The following MPZL1 variants were observed in gnomAD, a reference collection of about 807,000 sequenced individuals.
MPZL1 encodes the protein myelin protein zero like 1.
MPZL1 carries 16 observed loss-of-function variants against 29.3 expected under a neutral mutation model. The observed-to-expected ratio is 0.55, with a 90% CI of 0.37 to 0.83. The LOEUF is 0.83. Ranked by LOEUF, MPZL1 falls within the 40% of genes least tolerant of loss-of-function variation. The probability of loss-of-function intolerance (pLI) is 0.00; values close to 1 mark genes in which losing one functional copy is unlikely to be tolerated. For synonymous variants in MPZL1, 143 were observed against 132.0 expected (o/e 1.08, Z -0.57); for missense variants, 279 against 332.9 (o/e 0.84, Z 1.26).
intron 1 of MPZL1, among the ~76,000 whole-genome samples, chr1:167,739,030 C>T (rs1012223406): frequency 2.0e-5 from 3 of 151,804 alleles, no homozygotes; most frequent in African/African-American, 7.3e-5. Flanking sequence ...GCAACCTCCA[C>T]CTCCAGGTTC....
chr1:167,783,876 G>A (rs1661541042), intron 5 of MPZL1, among the ~76,000 whole-genome samples: 1 of 152,152 alleles, frequency 6.6e-6, no homozygotes, highest in African/African-American at 2.4e-5. Flanking sequence ...AAAAAAAGGT[G>A]TTCTGTCAGT....
At chr1:167,739,308 T>TATATATAC (rs1293142491) in intron 1 of MPZL1, among the ~76,000 whole-genome samples, 1 of 77,936 alleles carries the variant, frequency 1.3e-5, no homozygotes, top group South Asian at 3.6e-4. Flanking sequence ...TATATATATA[T>TATATATAC]ACACATATAT....
At chr1:167,745,222 G>T (rs1660620166) in intron 1 of MPZL1, among the ~76,000 whole-genome samples, 1 of 152,068 alleles carries the variant, frequency 6.6e-6, no homozygotes, top group Non-Finnish European at 1.5e-5. Flanking sequence ...TTATTAGCTT[G>T]CCCTGAGGAA....
Position 167,765,614 on chromosome 1 carries a change from T to C in MPZL1, c.123T>C (p.Tyr41=). The C allele has an allele frequency of 6.2e-7, 1 of 1,613,180 alleles. No individual in the cohort carries two copies. The highest frequency in any genetic ancestry group is 8.5e-7 in the Non-Finnish European group (1 of 1,179,558). Residue 41 remains tyrosine (Y), a synonymous_variant, in exon 2 of 6, where the codon TAT becomes TAC. Transcript: ENST00000359523. ...CTGGAGTATCAGCCTTGGAAGTATA[T>C]ACGCCAAAAGAAATCTTCGTGGCAA... ...LTAGVSALEV[Y]TPKEIFVANG... is the part of the protein sequence containing the mutation.
rs868809862 is a variant in MPZL1, at chr1:167,738,825, A to G, written c.91+16583A>G. ...CCCCAGAAGCCGAGCAAATGCCAGCATCATGCTTCCTGTGTAGCCTGCAGA... is the reference window on the plus strand; with the variant it reads ...CCCCAGAAGCCGAGCAAATGCCAGCGTCATGCTTCCTGTGTAGCCTGCAGA... On this transcript the variant is annotated intron_variant, in intron 1 of 5. Coordinates refer to ENST00000359523, the MANE Select transcript of MPZL1 (RefSeq NM_003953.6). Among the ~76,000 whole-genome samples, 5 of 152,174 alleles carry G rather than the reference A, an allele frequency of 3.3e-5. No homozygotes were observed. The South Asian group carries it at 6.2e-4, about 19-fold the overall frequency.
chr1:167,763,661 G>C (rs1661045893), intron 1 of MPZL1, among the ~76,000 whole-genome samples: 1 of 152,192 alleles, frequency 6.6e-6, no homozygotes, highest in Non-Finnish European at 1.5e-5. Flanking sequence ...CCTGGAATAA[G>C]CTGGTCCACT....
At chr1:167,752,762 G>C (rs1312264603) in intron 1 of MPZL1, among the ~76,000 whole-genome samples, 1 of 152,160 alleles carries the variant, frequency 6.6e-6, no homozygotes, top group African/African-American at 2.4e-5. Context: ...AGCTTGACTG[G>C]GGTCAGGCAT....
intron 1 of MPZL1, among the ~76,000 whole-genome samples, chr1:167,729,803 C>T (rs1003220439): frequency 6.6e-6 from 1 of 152,214 alleles, no homozygotes. Flanking sequence ...TGTGCCACGC[C>T]TTTGCTAAAC....
chr1:167,766,063 T>C (rs1292438732), intron 2 of MPZL1, among the ~76,000 whole-genome samples: 5 of 151,872 alleles, frequency 3.3e-5, no homozygotes, highest in African/African-American at 1.2e-4. Context: ...TATTTATTGA[T>C]ATTTGTTTTA....
chr1:167,733,826 G>A (rs1179141970), intron 1 of MPZL1, among the ~76,000 whole-genome samples: 1 of 151,474 alleles, frequency 6.6e-6, no homozygotes, highest in African/African-American at 2.4e-5. Flanking sequence ...GATTGTTTGA[G>A]CCCAAGAGTT....
chr1:167,777,239 A>C (rs955474852), intron 5 of MPZL1, among the ~76,000 whole-genome samples: 2 of 152,270 alleles, frequency 1.3e-5, no homozygotes, highest in African/African-American at 4.8e-5. Flanking sequence ...ATAGCATCTA[A>C]AAAAGCATTG....
At chr1:167,756,637 G>A (rs1018837355) in intron 1 of MPZL1, among the ~76,000 whole-genome samples, 19 of 152,088 alleles carry the variant, frequency 1.2e-4, no homozygotes, top group African/African-American at 4.6e-4. Flanking sequence ...TTGTTGTAGA[G>A]CAAGTTGATT....
At chr1:167,737,175 T>C (rs1660394772) in intron 1 of MPZL1, among the ~76,000 whole-genome samples, 1 of 152,190 alleles carries the variant, frequency 6.6e-6, no homozygotes, top group African/African-American at 2.4e-5. Flanking sequence ...TCTTATATAC[T>C]TTGGGTCTCC....
At chr1:167,761,513 G>A (rs1460110560) in intron 1 of MPZL1, among the ~76,000 whole-genome samples, 1 of 152,190 alleles carries the variant, frequency 6.6e-6, no homozygotes, top group African/African-American at 2.4e-5. Flanking sequence ...TCTGGACATA[G>A]GGAGGTTCTC....
At chr1:167,742,339 T>A (rs1332819363) in intron 1 of MPZL1, among the ~76,000 whole-genome samples, 1 of 152,044 alleles carries the variant, frequency 6.6e-6, no homozygotes, top group Non-Finnish European at 1.5e-5. Context: ...TTTTCCATAA[T>A]ATCAAAAACC....
At position 167,726,843 on chromosome 1, in the gene MPZL1, A is replaced by T. The variant is rs181559175; in HGVS notation, c.91+4601A>T. On this transcript the variant is annotated intron_variant, in intron 1 of 5. Coordinates refer to ENST00000359523, the MANE Select transcript of MPZL1 (RefSeq NM_003953.6). The stretch of plus-strand genomic sequence containing the variant: ...TTTGTGTTTTCATTAAGTCTAATTT[A>T]TTTACTTATTCAACGTAAATGAACA... Among the ~76,000 whole-genome samples, 6 of 152,326 alleles carry T rather than the reference A, an allele frequency of 3.9e-5. No individual in the cohort carries two copies. The East Asian group carries it at 9.6e-4, about 24-fold the overall frequency.
intron 3 of MPZL1, among the ~76,000 whole-genome samples, chr1:167,772,788 T>C (rs1214776682): frequency 6.6e-6 from 1 of 152,222 alleles, no homozygotes; most frequent in Non-Finnish European, 1.5e-5. Context: ...AAATTCATTA[T>C]GTTTGGATGT....
At chr1:167,732,413 A>C (rs1660289536) in intron 1 of MPZL1, among the ~76,000 whole-genome samples, 2 of 152,320 alleles carry the variant, frequency 1.3e-5, no homozygotes, top group East Asian at 3.9e-4. Flanking sequence ...AACAAACAAA[A>C]AAAATACAAA....
intron 5 of MPZL1, among the ~76,000 whole-genome samples, chr1:167,780,260 G>A (rs992828824): frequency 5.3e-5 from 8 of 152,318 alleles, no homozygotes; most frequent in Admixed American, 5.2e-4. Context: ...ACTGATGATT[G>A]TATTACTATA....
Sources: allele counts gnomAD v4.1 joint callset (sites outside exome capture counted in the v4.1 genomes callset), GRCh38; gene constraint gnomAD v4.1.1; transcripts MANE v1.5; gene names NCBI Gene and HGNC (gene_info 2026-07-23, HGNC 2026-07-21).